Variants in GPC6 observed in about 807,000 individuals in gnomAD.
GPC6 encodes glypican-6.
GPC6 carries 14 observed loss-of-function variants against 55.2 expected under a neutral mutation model. The ratio of observed to expected loss-of-function variants is 0.25; its 90% CI spans 0.17 to 0.40. The LOEUF is 0.40. GPC6 is among the 10% of genes least tolerant of loss of function. The pLI is 1.00. For missense variants in GPC6, 641 were observed against 708.5 expected, an observed-to-expected ratio of 0.90 and a Z score of 1.08; for synonymous variants, 278 against 259.6, an observed-to-expected ratio of 1.07 and a Z score of -0.68.
At chr13:93,815,831 A>G (rs1443209927) in intron 2 of GPC6, among the ~76,000 whole-genome samples, 1 of 38,916 alleles carries the variant, frequency 2.6e-5, no homozygotes, top group Non-Finnish European at 4.9e-5. Flanking sequence ...GTGATGCCAC[A>G]TGAGCCTGAT....
chr13:93,992,459 C>T (rs1005193661), intron 3 of GPC6, among the ~76,000 whole-genome samples: 1 of 152,026 alleles, frequency 6.6e-6, no homozygotes, highest in Admixed American at 6.6e-5. Context: ...TTTTATATAA[C>T]TTTACATAAC....
intron 2 of GPC6, among the ~76,000 whole-genome samples, chr13:93,650,384 C>T (rs1594341892): frequency 6.6e-6 from 1 of 151,868 alleles, no homozygotes; most frequent in East Asian, 1.9e-4. Context: ...CAATGCTAGT[C>T]AATTAGGCAA....
intron 2 of GPC6, among the ~76,000 whole-genome samples, chr13:93,803,693 T>G (rs1185476944): frequency 6.6e-6 from 1 of 152,184 alleles, no homozygotes; most frequent in Non-Finnish European, 1.5e-5. Flanking sequence ...GAATATCAAT[T>G]AACTGGTGAG....
intron 4 of GPC6, among the ~76,000 whole-genome samples, chr13:94,117,038 G>A (rs372149333): frequency 1.3e-5 from 2 of 152,070 alleles, no homozygotes; most frequent in East Asian, 3.9e-4. Flanking sequence ...GAGCATTGGA[G>A]TATTTCAATT....
chr13:93,907,590 T>C (rs1876738506), intron 3 of GPC6, among the ~76,000 whole-genome samples: 1 of 152,154 alleles, frequency 6.6e-6, no homozygotes, highest in Admixed American at 6.5e-5. Context: ...ACTACTAAAA[T>C]TTTTAAACTC....
chr13:94,139,733 G>C (rs1887309611), intron 4 of GPC6, among the ~76,000 whole-genome samples: 1 of 152,100 alleles, frequency 6.6e-6, no homozygotes, highest in African/African-American at 2.4e-5. Context: ...AGGTAATGCT[G>C]GTATATGATG....
intron 4 of GPC6, among the ~76,000 whole-genome samples, chr13:94,144,547 A>ATGTGTGTG (rs67016286): frequency 0.062 from 9,146 of 148,348 alleles, 525 homozygotes; most frequent in African/African-American, 0.15. Context: ...GTGTGTGTGT[A>ATGTGTGTG]TGTGTGTGTG....
rs975941071 is a variant in GPC6 at position 94,355,479 on chromosome 13, C to A, written c.1153-26935C>A. Among the ~76,000 whole-genome samples the A allele has an allele frequency of 2.6e-5, 4 of 152,280 alleles. No individual in the cohort carries two copies. The East Asian group carries it at 5.8e-4, about 22-fold the overall frequency. ...AAGAGAAAATAATCCCCATACACAT[C>A]GTACTGAAAGTGTAAAAATGCAAAA... On this transcript the variant is annotated intron_variant, in intron 6 of 8. Transcript: ENST00000377047.
At chr13:94,134,939 G>T (rs1887129583) in intron 4 of GPC6, among the ~76,000 whole-genome samples, 1 of 152,162 alleles carries the variant, frequency 6.6e-6, no homozygotes, top group Non-Finnish European at 1.5e-5. Flanking sequence ...TTAAAGTTCA[G>T]CAGCAAAGTC....
chr13:93,356,181 A>G (rs999956787), intron 1 of GPC6, among the ~76,000 whole-genome samples: 1 of 152,182 alleles, frequency 6.6e-6, no homozygotes, highest in Non-Finnish European at 1.5e-5. Context: ...CAAGATAATA[A>G]ACGGAGCTGG....
intron 2 of GPC6, among the ~76,000 whole-genome samples, chr13:93,744,285 T>A (rs1884309707): frequency 6.6e-6 from 1 of 152,146 alleles, no homozygotes; most frequent in Admixed American, 6.5e-5. Context: ...CTCTTTTATC[T>A]TCCTCAGCTC....
chr13:93,637,524 C>T (rs117507973), intron 2 of GPC6, among the ~76,000 whole-genome samples: 1,739 of 152,084 alleles, frequency 0.011, 16 homozygotes, highest in Non-Finnish European at 0.016. Flanking sequence ...GAAGATTTAT[C>T]GTCTCAGGTT....
At chr13:93,652,337 A>C (rs1176847932) in intron 2 of GPC6, among the ~76,000 whole-genome samples, 1 of 152,142 alleles carries the variant, frequency 6.6e-6, no homozygotes, top group Non-Finnish European at 1.5e-5. Flanking sequence ...TCTAGTCTCC[A>C]CAACAGACTC....
chr13:93,927,676 T>A (rs1208178506), intron 3 of GPC6, among the ~76,000 whole-genome samples: 1 of 130,046 alleles, frequency 7.7e-6, no homozygotes, highest in Non-Finnish European at 1.6e-5. Context: ...TAGCTTCAGT[T>A]CCTTCTTTGT....
intron 4 of GPC6, among the ~76,000 whole-genome samples, chr13:94,190,063 C>A (rs1247982697): frequency 2.6e-5 from 4 of 151,522 alleles, no homozygotes; most frequent in African/African-American, 9.7e-5. Flanking sequence ...GTGGCTCACA[C>A]CTGTAATCCC....
At chr13:94,374,753 T>C (rs1317853720) in intron 6 of GPC6, among the ~76,000 whole-genome samples, 1 of 140,614 alleles carries the variant, frequency 7.1e-6, no homozygotes, top group African/African-American at 2.8e-5. Context: ...ATCAACAGAA[T>C]ATACATTTTT....
chr13:94,083,272 C>G (rs527690335), intron 4 of GPC6, among the ~76,000 whole-genome samples: 2 of 152,188 alleles, frequency 1.3e-5, no homozygotes, highest in East Asian at 1.9e-4. Flanking sequence ...GCGCCCGCCA[C>G]CACACCCGTC....
chr13:93,309,470 A>G (rs1227001254), intron 1 of GPC6, among the ~76,000 whole-genome samples: 2 of 152,128 alleles, frequency 1.3e-5, no homozygotes, highest in African/African-American at 2.4e-5. Flanking sequence ...CACTTTGTCA[A>G]CTTAACACAC....
intron 4 of GPC6, among the ~76,000 whole-genome samples, chr13:94,252,341 C>T (rs1366611585): frequency 6.6e-6 from 1 of 152,040 alleles, no homozygotes; most frequent in Non-Finnish European, 1.5e-5. Flanking sequence ...TAAGATTGTT[C>T]GACGACCAGG....
Sources: allele counts gnomAD v4.1 joint callset (sites outside exome capture counted in the v4.1 genomes callset), GRCh38; gene constraint gnomAD v4.1.1; transcripts MANE v1.5; gene names NCBI Gene and HGNC (gene_info 2026-07-23, HGNC 2026-07-21).